ADGRV1: variants seen among roughly 807,000 people sequenced by gnomAD.
ADGRV1 encodes the protein G-protein coupled receptor 98.
ADGRV1 carries 359 observed loss-of-function variants against 596.2 expected under a neutral mutation model. The observed-to-expected ratio is 0.60, with a 90% CI of 0.55 to 0.66. ADGRV1 has a LOEUF of 0.66. ADGRV1 is among the 30% of genes least tolerant of loss of function. The pLI, the probability that ADGRV1 is intolerant of heterozygous loss-of-function variation, is 0.00. For missense variants in ADGRV1, 7,274 were observed against 7,575.6 expected, an observed-to-expected ratio of 0.96 and a Z score of 1.48; for synonymous variants, 2,681 against 2,679.2, an observed-to-expected ratio of 1.00 and a Z score of -0.02.
At chr5:90,977,019 G>C (rs6860535) in intron 84 of ADGRV1, among the ~76,000 whole-genome samples, 1 of 152,146 alleles carries the variant, frequency 6.6e-6, no homozygotes. Flanking sequence ...GCAAATGTGC[G>C]TGTTATTTAT....
At position 90,672,613 on chromosome 5, in the gene ADGRV1, A is replaced by T; in HGVS notation, c.4820A>T (p.His1607Leu). The T allele has an allele frequency of 6.2e-7, 1 of 1,613,828 alleles. No individual in the cohort carries two copies. Among genetic ancestry groups the T allele is most frequent in the Non-Finnish European group, 8.5e-7 (1 of 1,179,758 alleles). The change falls in exon 22 of 90, where the codon CAT becomes CTT. Residue 1607 changes from histidine (H) to leucine (L), a missense_variant. Physicochemically the swap from His to Leu is moderately conservative, Grantham distance 99. Around this residue, in one of 5 missense-constraint regions of ADGRV1, gnomAD observed 3,643 missense variants for 3,809.2 expected, o/e 0.96. Coordinates refer to ENST00000405460, the MANE Select transcript of ADGRV1 (RefSeq NM_032119.4). The stretch of plus-strand genomic sequence containing the variant: ...ACCAGAGGAGCTCTGGATTATGTGC[A>T]TGTTTTTTACACCATTTCACAGATT... ...ERTRGALDYV[H>L]VFYTISQIET... is the part of the protein sequence containing the mutation.
At chr5:90,795,053 G>A (rs1024066208) in intron 70 of ADGRV1, among the ~76,000 whole-genome samples, 6 of 150,940 alleles carry the variant, frequency 4.0e-5, no homozygotes, top group Non-Finnish European at 2.9e-5. Context: ...AAACTGGGCA[G>A]CTGTTTGGGC....
intron 89 of ADGRV1, among the ~76,000 whole-genome samples, chr5:91,160,340 G>A (rs1796839143): frequency 6.6e-6 from 1 of 152,132 alleles, no homozygotes; most frequent in African/African-American, 2.4e-5. Flanking sequence ...AAAATGGAAA[G>A]GTGGAATTTT....
chr5:91,045,708 A>G (rs1021483530), intron 85 of ADGRV1, among the ~76,000 whole-genome samples: 20 of 152,142 alleles, frequency 1.3e-4, no homozygotes, highest in African/African-American at 4.8e-4. Flanking sequence ...AAGGGCATCC[A>G]AATCAGTAAA....
chr5:90,733,947 GTGACTAT>G lies in ADGRV1; in HGVS notation c.10549+4186_10549+4192del, dbSNP rs575123052. On this transcript the variant is annotated intron_variant, in intron 50 of 89. Transcript: ENST00000405460. ...CATTCTCTTGCTCTTCCCCGCCCTG[GTGACTAT>G]TGTTGTACCCTTTGCTATGAATTCA... is the stretch of plus-strand genomic sequence containing the variant. Among the ~76,000 whole-genome samples the G allele has an allele frequency of 2.6e-5, 4 of 152,098 alleles. No homozygotes were observed. The South Asian group carries it at 8.3e-4, about 32-fold the overall frequency.
At chr5:91,042,610 C>T (rs770695796) in intron 85 of ADGRV1, among the ~76,000 whole-genome samples, 4 of 151,964 alleles carry the variant, frequency 2.6e-5, no homozygotes, top group Non-Finnish European at 5.9e-5. Context: ...TAGGTGTACA[C>T]GTGCCATGGT....
intron 87 of ADGRV1, among the ~76,000 whole-genome samples, chr5:91,146,035 TTA>T (rs1474828716): frequency 1.1e-4 from 17 of 152,234 alleles, no homozygotes; most frequent in Non-Finnish European, 1.5e-5. Flanking sequence ...CCCAGAAATG[TTA>T]AGAACCACGG....
At chr5:90,823,365 C>T in intron 75 of ADGRV1, 60 bp from the exon 76 acceptor site, 1 of 1,510,256 alleles carries the variant, frequency 6.6e-7, no homozygotes. Context: ...TGATAATAAA[C>T]TCTATTAGAC....
intron 83 of ADGRV1, among the ~76,000 whole-genome samples, chr5:90,915,966 C>G (rs1394693084): frequency 6.6e-6 from 1 of 152,064 alleles, no homozygotes; most frequent in Non-Finnish European, 1.5e-5. Context: ...TTTAAGGTGG[C>G]AGGTTTTGGT....
Position 90,852,653 on chromosome 5 carries a change from A to C in ADGRV1, c.17205-631A>C, listed in dbSNP as rs139674695. 1.1e-3 allele frequency among the ~76,000 whole-genome samples: 162 copies of C among 152,354 alleles called. 1 individual carries two copies. Among genetic ancestry groups the C allele is most frequent in the Non-Finnish European group, 2.1e-3 (144 of 68,032 alleles). On this transcript the variant is annotated intron_variant, in intron 79 of 89. Transcript: ENST00000405460. ...TGTACTTTAAAGCAAACTTCCAAGT[A>C]ATTTCAATGCACACTGAGGTTTAGA...
intron 85 of ADGRV1, among the ~76,000 whole-genome samples, chr5:90,998,868 T>C (rs1409716258): frequency 6.6e-6 from 1 of 152,138 alleles, no homozygotes; most frequent in Admixed American, 6.5e-5. Context: ...CTTAAACTTG[T>C]ATTTCTTTAA....
At chr5:91,121,116 G>A (rs1199407971) in intron 87 of ADGRV1, among the ~76,000 whole-genome samples, 2 of 152,206 alleles carry the variant, frequency 1.3e-5, no homozygotes, top group African/African-American at 4.8e-5. Flanking sequence ...GGAGGCTGCA[G>A]TGAGCCAAGA....
At chr5:91,147,697 T>C (rs968205748) in intron 87 of ADGRV1, among the ~76,000 whole-genome samples, 49 of 152,184 alleles carry the variant, frequency 3.2e-4, no homozygotes, top group Non-Finnish European at 3.8e-4. Flanking sequence ...TATTTCTTTA[T>C]AGCAGTGTGA....
intron 85 of ADGRV1, among the ~76,000 whole-genome samples, chr5:91,040,193 T>G (rs1454367154): frequency 1.3e-5 from 2 of 152,166 alleles, no homozygotes; most frequent in South Asian, 4.1e-4. Context: ...TTTGCATCCA[T>G]ACTCAAAATA....
intron 83 of ADGRV1, among the ~76,000 whole-genome samples, chr5:90,935,904 G>A (rs997611932): frequency 1.3e-5 from 2 of 152,132 alleles, no homozygotes; most frequent in Admixed American, 6.5e-5. Flanking sequence ...CCTGAGCCTG[G>A]GAGTTGAAGG....
chr5:90,969,316 T>G (rs1245458423), intron 84 of ADGRV1, among the ~76,000 whole-genome samples: 3 of 152,348 alleles, frequency 2.0e-5, no homozygotes, highest in East Asian at 3.9e-4. Flanking sequence ...TTTCATAGAT[T>G]TGAAAACATC....
intron 21 of ADGRV1, among the ~76,000 whole-genome samples, chr5:90,667,160 C>A (rs1359408112): frequency 6.8e-6 from 1 of 147,942 alleles, no homozygotes; most frequent in African/African-American, 2.5e-5. Flanking sequence ...GTTGGCCTGC[C>A]TTGCTAGATT....
At chr5:90,826,276 T>A (rs1285486168) in intron 76 of ADGRV1, among the ~76,000 whole-genome samples, 4 of 152,172 alleles carry the variant, frequency 2.6e-5, no homozygotes, top group Non-Finnish European at 4.4e-5. Context: ...GAGAAATTAT[T>A]TGGAGGTCCT....
chr5:91,023,135 T>C (rs965895861), intron 85 of ADGRV1, among the ~76,000 whole-genome samples: 3 of 152,164 alleles, frequency 2.0e-5, no homozygotes, highest in African/African-American at 7.2e-5. Flanking sequence ...ACTTGATGCT[T>C]AAACAGAAAC....
Sources: gnomAD v4.1 joint callset for allele counts (sites outside exome capture counted in the v4.1 genomes callset) on GRCh38, gnomAD v4.1.1 for gene constraint, gnomAD v4.1.1 regional missense constraint, MANE v1.5 for transcripts, NCBI Gene and HGNC (gene_info 2026-07-23, HGNC 2026-07-21) for gene names.